PAG1: variants seen among roughly 807,000 people sequenced by gnomAD.
The protein encoded by PAG1 is phosphoprotein membrane anchor with glycosphingolipid microdomains 1.
A neutral mutation model predicts 31.7 loss-of-function variants in PAG1; 23 were observed. That is an observed-to-expected ratio of 0.73 (90% CI 0.52 to 1.03). The LOEUF is 1.03. PAG1 is among the 50% of genes least tolerant of loss of function. The pLI, the probability that PAG1 is intolerant of heterozygous loss-of-function variation, is 0.00. For missense variants in PAG1, 473 were observed against 540.7 expected, an observed-to-expected ratio of 0.87 and a Z score of 1.24; for synonymous variants, 214 against 210.3, an observed-to-expected ratio of 1.02 and a Z score of -0.15.
At chr8:81,050,737 T>C (rs1426730516) in intron 2 of PAG1, among the ~76,000 whole-genome samples, 1 of 152,198 alleles carries the variant, frequency 6.6e-6, no homozygotes, top group Non-Finnish European at 1.5e-5. Context: ...AGAAACCCAC[T>C]GAGGCAATGA....
intron 2 of PAG1, among the ~76,000 whole-genome samples, chr8:81,060,742 A>G (rs1229340587): frequency 6.6e-6 from 1 of 152,244 alleles, no homozygotes; most frequent in Non-Finnish European, 1.5e-5. Context: ...CTAATGTATA[A>G]GAGGTCACTA....
chr8:81,032,329 T>C lies in PAG1; in HGVS notation c.-174-2240A>G, dbSNP rs372576279. Among the ~76,000 whole-genome samples the C allele has an allele frequency of 3.3e-5, 5 of 152,326 alleles. No homozygotes were observed. The East Asian group carries it at 5.8e-4, about 18-fold the overall frequency. ...AATCGTATGTGATAAGGGACTTATA[T>C]ATGGAATATATAAATAACTCTTATA... On this transcript the variant is annotated intron_variant, in intron 2 of 8. Transcript: ENST00000220597.
intron 8 of PAG1, among the ~76,000 whole-genome samples, chr8:80,980,132 T>C (rs986008639): frequency 3.9e-5 from 6 of 152,204 alleles, no homozygotes; most frequent in African/African-American, 1.4e-4. Context: ...TGCTGACTGC[T>C]CCCACGCTGG....
At chr8:81,006,326 G>A (rs894323206) in intron 3 of PAG1, among the ~76,000 whole-genome samples, 3 of 152,176 alleles carry the variant, frequency 2.0e-5, no homozygotes, top group African/African-American at 4.8e-5. Context: ...CACAGGTCTC[G>A]TGCTTGTGAG....
At chr8:81,066,493 T>C (rs573089582) in intron 2 of PAG1, among the ~76,000 whole-genome samples, 19 of 152,108 alleles carry the variant, frequency 1.2e-4, no homozygotes, top group Non-Finnish European at 2.4e-4. Flanking sequence ...TAGGGAAACA[T>C]TGATTTAAGA....
intron 2 of PAG1, among the ~76,000 whole-genome samples, chr8:81,055,811 T>C (rs984796148): frequency 6.6e-6 from 1 of 152,026 alleles, no homozygotes. Context: ...TGATTTTGTA[T>C]CCTGAGACTT....
rs1353383718 is a variant in PAG1, at chr8:80,990,440, C to A, written c.177+1039G>T. Among the ~76,000 whole-genome samples the A allele has an allele frequency of 6.6e-6, 1 of 152,156 alleles. No individual in the cohort carries two copies. The highest frequency in any genetic ancestry group is 1.5e-5 in the Non-Finnish European group (1 of 68,028). The stretch of plus-strand genomic sequence containing the variant: ...CTTGTTTGCACCCTCTCCTCCCAAC[C>A]AGTTTTTGCTTGACCTTGAGAAATG... On this transcript the variant is annotated intron_variant, in intron 5 of 8. Coordinates refer to ENST00000220597, the MANE Select transcript of PAG1 (RefSeq NM_018440.4). The surrounding 1 kb of genome is among the most constrained non-coding windows in gnomAD (Gnocchi z 5.1).
intron 3 of PAG1, among the ~76,000 whole-genome samples, chr8:81,010,760 A>G (rs1370679811): frequency 6.6e-6 from 1 of 152,246 alleles, no homozygotes; most frequent in Non-Finnish European, 1.5e-5. Context: ...CATTCATTGA[A>G]GGGTTCTCAT....
At chr8:81,011,641 A>C (rs1807986978) in intron 3 of PAG1, among the ~76,000 whole-genome samples, 1 of 152,250 alleles carries the variant, frequency 6.6e-6, no homozygotes, top group African/African-American at 2.4e-5. Context: ...TACTAAGAAT[A>C]GTACCAAATA....
At chr8:81,091,581 C>T (rs997643705) in intron 1 of PAG1, among the ~76,000 whole-genome samples, 1 of 152,080 alleles carries the variant, frequency 6.6e-6, no homozygotes, top group Non-Finnish European at 1.5e-5. Flanking sequence ...GGCCATTATA[C>T]TACAACATAG....
chr8:81,046,375 GT>G (rs1187956342), intron 2 of PAG1, among the ~76,000 whole-genome samples: 2 of 152,144 alleles, frequency 1.3e-5, no homozygotes, highest in African/African-American at 4.8e-5. Flanking sequence ...CACCTATGAT[GT>G]GAATACTTGT....
At chr8:81,102,376 A>G (rs535416318) in intron 1 of PAG1, among the ~76,000 whole-genome samples, 26 of 152,280 alleles carry the variant, frequency 1.7e-4, no homozygotes, top group African/African-American at 6.3e-4. Flanking sequence ...CAAAAGAGCA[A>G]TCCACCAAAT....
At chr8:81,082,279 G>GA (rs1009890710) in intron 1 of PAG1, among the ~76,000 whole-genome samples, 80 of 135,722 alleles carry the variant, frequency 5.9e-4, no homozygotes, top group Middle Eastern at 3.8e-3. Flanking sequence ...AAAAAGAAAA[G>GA]AAAAAAAAAT....
chr8:81,098,270 A>G (rs1274148442), intron 1 of PAG1, among the ~76,000 whole-genome samples: 1 of 152,246 alleles, frequency 6.6e-6, no homozygotes, highest in Admixed American at 6.5e-5. Context: ...GGCAAATTAC[A>G]TAAGATGATT....
At chr8:81,036,862 T>A (rs751939395) in intron 2 of PAG1, 1 of 152,200 alleles carries the variant, frequency 6.6e-6, no homozygotes, top group African/African-American at 2.4e-5. Context: ...TGCCATCTGA[T>A]GTCTCCTGTT....
chr8:81,060,110 T>C (rs1168383247), intron 2 of PAG1, among the ~76,000 whole-genome samples: 1 of 152,158 alleles, frequency 6.6e-6, no homozygotes, highest in Non-Finnish European at 1.5e-5. Context: ...AGTAAATATT[T>C]GTGTTTCTGC....
chr8:81,097,079 C>T (rs76379902), intron 1 of PAG1, among the ~76,000 whole-genome samples: 1,747 of 152,332 alleles, frequency 0.011, 36 homozygotes, highest in African/African-American at 0.04. Flanking sequence ...AGGTATTACA[C>T]CCTATGCACC....
chr8:81,067,033 G>A (rs762646778), intron 2 of PAG1, among the ~76,000 whole-genome samples: 6 of 152,132 alleles, frequency 3.9e-5, no homozygotes, highest in East Asian at 1.9e-4. Flanking sequence ...ATGGTGGCAC[G>A]TGCCTGTATT....
chr8:80,981,882 T>TTTTTTTTTTTG (rs1563615071), intron 7 of PAG1, among the ~76,000 whole-genome samples: 1 of 132,046 alleles, frequency 7.6e-6, no homozygotes, highest in Admixed American at 7.5e-5. Context: ...TTTTTTTTTT[T>TTTTTTTTTTTG]TTTGACAGCG....
Sources: gnomAD v4.1 joint callset for allele counts (sites outside exome capture counted in the v4.1 genomes callset) on GRCh38, gnomAD v4.1.1 for gene constraint, Gnocchi (gnomAD v3.1) non-coding constraint, MANE v1.5 for transcripts, NCBI Gene and HGNC (gene_info 2026-07-23, HGNC 2026-07-21) for gene names.